SORCS3: variants seen among roughly 807,000 people sequenced by gnomAD.
SORCS3 encodes the protein sortilin related VPS10 domain containing receptor 3, also known as VPS10 domain-containing receptor SorCS3.
In SORCS3, 57 loss-of-function variants were observed where a neutral mutation model predicts 146.3. The ratio of observed to expected loss-of-function variants is 0.39; its 90% CI spans 0.31 to 0.49. The LOEUF (loss-of-function observed/expected upper bound fraction) is 0.49, where lower values mean the gene tolerates loss of function less well. Among genes scored for constraint, SORCS3 ranks in the 20% least tolerant of loss-of-function variants. SORCS3 has a pLI of 0.92. For synonymous variants in SORCS3, 653 were observed against 618.5 expected, an observed-to-expected ratio of 1.06 and a Z score of -0.83; for missense variants, 1,341 against 1,575.5, an observed-to-expected ratio of 0.85 and a Z score of 2.52.
intron 1 of SORCS3, among the ~76,000 whole-genome samples, chr10:104,660,069 C>G (rs1476009164): frequency 2.0e-5 from 3 of 152,194 alleles, no homozygotes; most frequent in African/African-American, 7.2e-5. Context: ...CACACAGCAG[C>G]AGCTCCAGCC....
chr10:105,254,821 C>A (rs1019024279), intron 23 of SORCS3, among the ~76,000 whole-genome samples: 1 of 151,792 alleles, frequency 6.6e-6, no homozygotes, highest in African/African-American at 2.4e-5. Context: ...GTAGTTGGGC[C>A]TCTGTATATG....
At chr10:104,829,442 G>A (rs191425006) in intron 1 of SORCS3, among the ~76,000 whole-genome samples, 1 of 152,270 alleles carries the variant, frequency 6.6e-6, no homozygotes, top group Non-Finnish European at 1.5e-5. Context: ...TTCAGAGGAG[G>A]GAGAAGAGCA....
chr10:104,869,143 G>A (rs1261587071), intron 2 of SORCS3, among the ~76,000 whole-genome samples: 1 of 151,890 alleles, frequency 6.6e-6, no homozygotes, highest in East Asian at 1.9e-4. Flanking sequence ...ATGTGTGTAT[G>A]TGTGAAATAT....
chr10:105,223,642 C>T (rs1010564279), intron 20 of SORCS3, among the ~76,000 whole-genome samples: 1 of 152,080 alleles, frequency 6.6e-6, no homozygotes, highest in Non-Finnish European at 1.5e-5. Context: ...GTAGGGTTGC[C>T]AAAATTAAAC....
chr10:104,847,031 A>G (rs553034193), intron 2 of SORCS3, among the ~76,000 whole-genome samples: 1 of 152,284 alleles, frequency 6.6e-6, no homozygotes, highest in South Asian at 2.1e-4. Context: ...AATGTAGGCC[A>G]TTGTCATGTG....
At chr10:104,862,710 A>C (rs1298475090) in intron 2 of SORCS3, among the ~76,000 whole-genome samples, 1 of 152,188 alleles carries the variant, frequency 6.6e-6, no homozygotes, top group African/African-American at 2.4e-5. Context: ...TTTAAATATA[A>C]TGCATTGTTG....
At chr10:105,216,602 C>T (rs748077513) in intron 18 of SORCS3, among the ~76,000 whole-genome samples, 1 of 152,096 alleles carries the variant, frequency 6.6e-6, no homozygotes, top group Non-Finnish European at 1.5e-5. Flanking sequence ...ATTATTATGA[C>T]ACAAAAGGAG....
intron 2 of SORCS3, among the ~76,000 whole-genome samples, chr10:104,879,701 G>A (rs978616352): frequency 4.6e-5 from 7 of 152,166 alleles, no homozygotes; most frequent in African/African-American, 1.7e-4. Flanking sequence ...GCCACTTGAT[G>A]AGCAAAAGGG....
chr10:104,993,523 G>T (rs1428333276), intron 4 of SORCS3, among the ~76,000 whole-genome samples: 4 of 152,168 alleles, frequency 2.6e-5, no homozygotes, highest in Non-Finnish European at 5.9e-5. Context: ...AAAAAGATAC[G>T]TTAGCTTTTA....
chr10:104,968,874 A>G (rs954955407), intron 3 of SORCS3, among the ~76,000 whole-genome samples: 3 of 152,138 alleles, frequency 2.0e-5, no homozygotes, highest in African/African-American at 7.2e-5. Context: ...TTTTTTAAAA[A>G]CCCAATTTTA....
At position 104,998,870 on chromosome 10, in the gene SORCS3, C is replaced by T. The variant is rs77150528; in HGVS notation, c.954+21377C>T. ...TAAGTCACAAGCTGGGGTTCGGACT[C>T]CATTTGCAATTCATCAAGGCTCATG... is the stretch of plus-strand genomic sequence containing the variant. On this transcript the variant is annotated intron_variant, in intron 4 of 26. Coordinates refer to ENST00000369701, the MANE Select transcript of SORCS3 (RefSeq NM_014978.3). Among the ~76,000 whole-genome samples the T allele has an allele frequency of 2.3e-3, 343 of 152,196 alleles. 3 individuals are homozygous for T. Among genetic ancestry groups the T allele is most frequent in the African/African-American group, 7.8e-3 (323 of 41,540 alleles).
At chr10:105,257,157 C>G (rs1312131617) in intron 25 of SORCS3, among the ~76,000 whole-genome samples, 1 of 152,154 alleles carries the variant, frequency 6.6e-6, no homozygotes, top group Admixed American at 6.5e-5. Context: ...TAAATAAAGA[C>G]TGGCCAATGA....
chr10:105,017,083 CT>C (rs370151783), intron 4 of SORCS3, among the ~76,000 whole-genome samples: 157 of 152,108 alleles, frequency 1.0e-3, no homozygotes, highest in African/African-American at 3.8e-3. Flanking sequence ...TTCTCCCATG[CT>C]AGTAATATTT....
At chr10:105,154,374 C>G (rs2056190714) in intron 9 of SORCS3, among the ~76,000 whole-genome samples, 1 of 152,226 alleles carries the variant, frequency 6.6e-6, no homozygotes, top group South Asian at 2.1e-4. Flanking sequence ...CCTGAGGTCT[C>G]TGGGAGGTGA....
chr10:104,706,301 G>A (rs552254531), intron 1 of SORCS3, among the ~76,000 whole-genome samples: 156 of 140,604 alleles, frequency 1.1e-3, no homozygotes, highest in African/African-American at 3.9e-3. Context: ...TCTGCCTCCC[G>A]GGTTCAAGCG....
At chr10:105,250,034 G>A (rs112322476) in intron 22 of SORCS3, among the ~76,000 whole-genome samples, 107 of 152,256 alleles carry the variant, frequency 7.0e-4, no homozygotes, top group African/African-American at 2.1e-3. Context: ...TTCTGGAGGC[G>A]GAGAAGTACA....
intron 16 of SORCS3, among the ~76,000 whole-genome samples, chr10:105,206,029 A>G (rs1354992982): frequency 1.3e-5 from 2 of 152,202 alleles, no homozygotes; most frequent in African/African-American, 2.4e-5. Flanking sequence ...TGGGGGTGTC[A>G]CAGCACATAC....
At chr10:104,962,189 G>A (rs1238959085) in intron 3 of SORCS3, among the ~76,000 whole-genome samples, 2 of 152,076 alleles carry the variant, frequency 1.3e-5, no homozygotes, top group Non-Finnish European at 2.9e-5. Flanking sequence ...AGGAAGGCAG[G>A]GAGGATGCTG....
rs897132609 is a variant in SORCS3 at position 104,972,877 on chromosome 10, C to T, written c.796-4458C>T. ...ATTTTGAGATATGTCCCATCAATAC[C>T]TAATTTCTTGAGAGTTTTTAGCATG... On this transcript the variant is annotated intron_variant, in intron 3 of 26. Coordinates refer to ENST00000369701, the MANE Select transcript of SORCS3 (RefSeq NM_014978.3). 7.2e-5 allele frequency among the ~76,000 whole-genome samples: 11 copies of T among 152,250 alleles called. No homozygotes were observed. In the South Asian group the frequency reaches 2.3e-3, roughly 32 times the overall value.
Sources: gnomAD v4.1 joint callset for allele counts (sites outside exome capture counted in the v4.1 genomes callset) on GRCh38, gnomAD v4.1.1 for gene constraint, MANE v1.5 for transcripts, NCBI Gene and HGNC (gene_info 2026-07-23, HGNC 2026-07-21) for gene names.